Variants in PARVA observed in about 807,000 individuals in gnomAD.
PARVA encodes the protein parvin alpha.
Under a neutral mutation model 52.6 loss-of-function variants are expected in PARVA, and 25 were observed. That is an observed-to-expected ratio of 0.48 (90% CI 0.35 to 0.66). The LOEUF is 0.66. Among genes scored for constraint, PARVA ranks in the 30% least tolerant of loss-of-function variants. The pLI, the probability that PARVA is intolerant of heterozygous loss-of-function variation, is 0.01. For synonymous variants in PARVA, 185 were observed against 179.1 expected, an observed-to-expected ratio of 1.03 and a Z score of -0.26; for missense variants, 373 against 450.9, an observed-to-expected ratio of 0.83 and a Z score of 1.56.
At chr11:12,504,820 C>T (rs1456419230) in intron 6 of PARVA, among the ~76,000 whole-genome samples, 2 of 149,630 alleles carry the variant, frequency 1.3e-5, no homozygotes, top group East Asian at 2.0e-4. Flanking sequence ...TGTACAGGTG[C>T]CCTGCAAACC....
chr11:12,429,507 T>A (rs1940285445), intron 1 of PARVA, among the ~76,000 whole-genome samples: 1 of 152,148 alleles, frequency 6.6e-6, no homozygotes, highest in African/African-American at 2.4e-5. Context: ...TAATAAAATA[T>A]CAACACTGTT....
Position 12,496,573 on chromosome 11 carries a change from C to T in PARVA, c.516C>T (p.Pro172=), listed in dbSNP as rs1329479872. 6.2e-7 allele frequency: 1 copy of T among 1,612,210 alleles called. No individual in the cohort carries two copies. The highest frequency in any genetic ancestry group is 1.7e-5 in the Admixed American group (1 of 59,828). The change falls in exon 5 of 13, where the codon CCC becomes CCT. Residue 172 remains proline, a synonymous_variant. Coordinates refer to ENST00000334956, the MANE Select transcript of PARVA (RefSeq NM_018222.5). ...EKINETLKLP[P]RSIKWNVDSV... ...TCAATGAAACCCTGAAACTTCCTCC[C>T]AGGAGCATCAAGTGGAATGTGGATT...
At chr11:12,443,169 C>CTTTTTTTTTTTT (rs1180380526) in intron 1 of PARVA, among the ~76,000 whole-genome samples, 16 of 78,326 alleles carry the variant, frequency 2.0e-4, no homozygotes, top group Non-Finnish European at 3.2e-4. Context: ...CGCCCCCCTT[C>CTTTTTTTTTTTT]TTTTTTTTTT....
At chr11:12,438,932 C>T (rs1396522407) in intron 1 of PARVA, among the ~76,000 whole-genome samples, 1 of 152,130 alleles carries the variant, frequency 6.6e-6, no homozygotes, top group African/African-American at 2.4e-5. Context: ...GAAAGAGGCT[C>T]TTTGGGATTA....
chr11:12,432,735 A>G (rs78988095), intron 1 of PARVA, among the ~76,000 whole-genome samples: 7,690 of 152,274 alleles, frequency 0.051, 254 homozygotes, highest in South Asian at 0.091. Context: ...CTGTATCAAG[A>G]TTTTCGAGAA....
At chr11:12,392,856 A>G (rs1243264521) in intron 1 of PARVA, among the ~76,000 whole-genome samples, 2 of 151,960 alleles carry the variant, frequency 1.3e-5, no homozygotes, top group African/African-American at 2.4e-5. Context: ...GATCTCCTTC[A>G]CTCATTTTTT....
intron 1 of PARVA, among the ~76,000 whole-genome samples, chr11:12,397,219 A>G (rs1300420813): frequency 1.3e-5 from 2 of 152,104 alleles, no homozygotes; most frequent in Non-Finnish European, 2.9e-5. Flanking sequence ...ATTTAATCAT[A>G]TCTTTCATTT....
At chr11:12,498,211 A>G (rs1307532035) in intron 5 of PARVA, among the ~76,000 whole-genome samples, 3 of 151,486 alleles carry the variant, frequency 2.0e-5, no homozygotes, top group South Asian at 2.1e-4. Context: ...TTTCTTTTGT[A>G]TTTTACTAGA....
At chr11:12,474,657 ACAT>A (rs1240595521) in intron 3 of PARVA, among the ~76,000 whole-genome samples, 1 of 152,090 alleles carries the variant, frequency 6.6e-6, no homozygotes, top group African/African-American at 2.4e-5. Context: ...ATGCGATGAA[ACAT>A]CATCTCTACT....
At chr11:12,485,180 C>T in intron 4 of PARVA, among the ~76,000 whole-genome samples, 1 of 152,132 alleles carries the variant, frequency 6.6e-6, no homozygotes, top group Non-Finnish European at 1.5e-5. Flanking sequence ...GGAGAAAGGG[C>T]ACTTTAGCCA....
At chr11:12,400,497 T>C (rs1939811301) in intron 1 of PARVA, among the ~76,000 whole-genome samples, 1 of 152,248 alleles carries the variant, frequency 6.6e-6, no homozygotes, top group African/African-American at 2.4e-5. Context: ...TCTCTTTTTC[T>C]CTGCTCTTGG....
intron 6 of PARVA, among the ~76,000 whole-genome samples, chr11:12,506,942 C>T (rs4277094): frequency 0.33 from 50,067 of 152,136 alleles, 10,053 homozygotes; most frequent in East Asian, 0.53. Context: ...CTATGAATGG[C>T]CATGCAGGAC....
At chr11:12,503,468 G>C (rs1352164640) in intron 5 of PARVA, among the ~76,000 whole-genome samples, 2 of 152,060 alleles carry the variant, frequency 1.3e-5, no homozygotes, top group African/African-American at 4.8e-5. Flanking sequence ...TGAGCTCAGA[G>C]CTCAGCAGTT....
intron 1 of PARVA, among the ~76,000 whole-genome samples, chr11:12,436,606 A>G (rs1035950068): frequency 2.0e-5 from 3 of 152,136 alleles, no homozygotes; most frequent in Non-Finnish European, 4.4e-5. Flanking sequence ...CCACAGGGAG[A>G]CATTGAGTAT....
At chr11:12,523,583 G>T (rs762911400) in intron 12 of PARVA, among the ~76,000 whole-genome samples, 21 of 152,258 alleles carry the variant, frequency 1.4e-4, no homozygotes, top group Non-Finnish European at 2.1e-4. Flanking sequence ...CATTTTCGAT[G>T]GTCCTCTCCT....
At chr11:12,432,776 C>T (rs1017854818) in intron 1 of PARVA, among the ~76,000 whole-genome samples, 2 of 152,290 alleles carry the variant, frequency 1.3e-5, no homozygotes, top group South Asian at 2.1e-4. Context: ...TGTTCTAGCA[C>T]AGTTGGTGCT....
chr11:12,505,392 A>G (rs1482406348), intron 6 of PARVA, among the ~76,000 whole-genome samples: 1 of 152,164 alleles, frequency 6.6e-6, no homozygotes, highest in Non-Finnish European at 1.5e-5. Context: ...TTTGAGTTGA[A>G]CTTCCAAGGA....
chr11:12,443,169 C>CTTTTTTTTTTTTT lies in PARVA; in HGVS notation c.137-30567_137-30555dup, dbSNP rs1180380526. Among the ~76,000 whole-genome samples, 6 of 78,330 alleles carry CTTTTTTTTTTTTT rather than the reference C, an allele frequency of 7.7e-5. 1 individual carries two copies. Among genetic ancestry groups the CTTTTTTTTTTTTT allele is most frequent in the East Asian group, 4.1e-4 (1 of 2,468 alleles). The allele number at this position is 78,330 out of a possible 152,430, so 51.4% of individuals were successfully genotyped here. On this transcript the variant is annotated intron_variant, in intron 1 of 12. Coordinates refer to ENST00000334956, the MANE Select transcript of PARVA (RefSeq NM_018222.5). ...AGCCACCATGCCCGGCGCCCCCCTT[C>CTTTTTTTTTTTTT]TTTTTTTTTTTTTTTTTTTTTGAGA...
chr11:12,463,112 C>T (rs72862259), intron 1 of PARVA, among the ~76,000 whole-genome samples: 2,284 of 151,854 alleles, frequency 0.015, 29 homozygotes, highest in Middle Eastern at 0.024. Flanking sequence ...GTATATCCCA[C>T]GCCCACTTTT....
Sources: allele counts gnomAD v4.1 joint callset (sites outside exome capture counted in the v4.1 genomes callset), GRCh38; gene constraint gnomAD v4.1.1; transcripts MANE v1.5; gene names NCBI Gene and HGNC (gene_info 2026-07-23, HGNC 2026-07-21).